The following GCLM variants were observed in gnomAD, a reference collection of about 807,000 sequenced individuals.
GCLM encodes the protein glutamate--cysteine ligase regulatory subunit.
A neutral mutation model predicts 36.0 loss-of-function variants in GCLM; 15 were observed. The observed-to-expected ratio is 0.42, with a 90% CI of 0.28 to 0.64. GCLM has a LOEUF of 0.64. Ranked by LOEUF, GCLM falls within the 30% of genes least tolerant of loss-of-function variation. The probability of loss-of-function intolerance (pLI) is 0.25; values close to 1 mark genes in which losing one functional copy is unlikely to be tolerated. For synonymous variants in GCLM, 129 were observed against 122.8 expected (o/e 1.05, Z -0.34); for missense variants, 242 against 325.5 (o/e 0.74, Z 1.97).
rs542636809 is a variant in GCLM at position 93,904,429 on chromosome 1, A to G, written c.192+94T>C. 1.1e-5 allele frequency: 9 copies of G among 813,932 alleles called. No individual in the cohort carries two copies. In the South Asian group the frequency reaches 1.3e-4, roughly 11 times the overall value. The allele number at this position is 813,932 out of a possible 1,614,324, so 50.4% of individuals were successfully genotyped here. ...ACAGAGAGTTTATGGCTAATTGCCT[A>G]TTTGACTTCCCTCACAAAACTGAAG... On this transcript the variant is annotated intron_variant, in intron 2 of 6. Coordinates refer to ENST00000370238, the MANE Select transcript of GCLM (RefSeq NM_002061.4).
At chr1:93,890,743 G>C (rs1656502469) in intron 6 of GCLM, among the ~76,000 whole-genome samples, 1 of 152,114 alleles carries the variant, frequency 6.6e-6, no homozygotes, top group African/African-American at 2.4e-5. Flanking sequence ...GGAATGAAGG[G>C]CCAAAGTACA....
chr1:93,901,648 A>G lies in GCLM; in HGVS notation c.214T>C (p.Cys72Arg). 6.4e-7 allele frequency: 1 copy of G among 1,554,406 alleles called. No homozygotes were observed. The highest frequency in any genetic ancestry group is 2.2e-5 in the East Asian group (1 of 44,492). Residue 72 changes from cysteine to arginine, a missense_variant, in exon 3 of 7, where the codon TGC becomes CGC. Coordinates refer to ENST00000370238, the MANE Select transcript of GCLM (RefSeq NM_002061.4). Reference sequence around the variant, plus strand: ...TTTTCTACTGCATGAGATACAGTGCATTCCAAGACATCTGGAAACTCCTAT... The same window carrying G: ...TTTTCTACTGCATGAGATACAGTGCGTTCCAAGACATCTGGAAACTCCTAT... ...LVREFPDVLE[C>R]TVSHAVEKIN... is the part of the protein sequence containing the mutation.
At chr1:93,905,173 CAAAAAAAAAA>C (rs921621833) in intron 1 of GCLM, among the ~76,000 whole-genome samples, 8 of 68,334 alleles carry the variant, frequency 1.2e-4, no homozygotes, top group South Asian at 6.0e-4. Flanking sequence ...ACTCTATTTC[CAAAAAAAAAA>C]AAAAAAAAAG....
chr1:93,907,216 C>T (rs1657176798), intron 1 of GCLM, among the ~76,000 whole-genome samples: 1 of 152,166 alleles, frequency 6.6e-6, no homozygotes, highest in African/African-American at 2.4e-5. Context: ...CATAGTTTCC[C>T]TACAGTATGA....
rs1273793164 is a variant in GCLM, at chr1:93,885,932, T to C, written c.*3058A>G. On this transcript the variant is annotated 3_prime_UTR_variant, in exon 7 of 7. Transcript: ENST00000370238. ...GAAAGTCTGAACTATTCATGCAAAA[T>C]AGAATAATTTTTTATTTTCCATTTT... The C allele has an allele frequency of 6.6e-6, 1 of 152,182 alleles. No homozygotes were observed. 9.4% of individuals were successfully genotyped at this position (152,182 alleles called of 1,614,324 possible).
chr1:93,902,463 C>CCA (rs1480765209), intron 2 of GCLM, among the ~76,000 whole-genome samples: 1 of 151,900 alleles, frequency 6.6e-6, no homozygotes, highest in African/African-American at 2.4e-5. Flanking sequence ...CAGGCATGAG[C>CCA]CACCGCGCCC....
At chr1:93,891,343 G>T (rs1656528380) in intron 6 of GCLM, among the ~76,000 whole-genome samples, 1 of 152,120 alleles carries the variant, frequency 6.6e-6, no homozygotes, top group African/African-American at 2.4e-5. Flanking sequence ...CTCTGAATTA[G>T]CTTCTGCCTT....
intron 2 of GCLM, among the ~76,000 whole-genome samples, chr1:93,903,064 G>A (rs969993399): frequency 2.0e-5 from 3 of 151,876 alleles, no homozygotes; most frequent in Non-Finnish European, 4.4e-5. Flanking sequence ...ATATTGTCTG[G>A]ATAGTTTATA....
chr1:93,898,956 A>G (rs937407116), intron 3 of GCLM, among the ~76,000 whole-genome samples: 2 of 152,206 alleles, frequency 1.3e-5, no homozygotes, highest in African/African-American at 4.8e-5. Flanking sequence ...ACGAAGACCT[A>G]TAAAAGCAGA....
chr1:93,899,549 T>C (rs1269501496), intron 3 of GCLM, among the ~76,000 whole-genome samples: 1 of 152,192 alleles, frequency 6.6e-6, no homozygotes, highest in Non-Finnish European at 1.5e-5. Flanking sequence ...AACTTTTTAT[T>C]CAGCATTATA....
intron 1 of GCLM, among the ~76,000 whole-genome samples, chr1:93,905,664 T>A (rs1433689666): frequency 1.3e-5 from 2 of 152,224 alleles, no homozygotes; most frequent in Non-Finnish European, 2.9e-5. Flanking sequence ...ACATACTTTA[T>A]TAAAGTGTAT....
At chr1:93,907,254 G>A (rs1279241764) in intron 1 of GCLM, among the ~76,000 whole-genome samples, 1 of 152,092 alleles carries the variant, frequency 6.6e-6, no homozygotes, top group African/African-American at 2.4e-5. Context: ...TTCCTGAAAT[G>A]TTTTCTAGTT....
Position 93,889,036 on chromosome 1 carries a change from A to G in GCLM, c.779T>C (p.Ile260Thr), listed in dbSNP as rs1656427181. ...YSVIVKSRGI[I>T]KSKGYILQAK... ...TTGTAAAATGTAGCCTTTTGATTTG[A>G]TAATTCCTCTACTTTTCACAATGAC... is the stretch of plus-strand genomic sequence containing the variant. Residue 260 changes from isoleucine (I) to threonine (T), a missense_variant, in exon 7 of 7, where the codon ATC becomes ACC. Ile to Thr is a moderately conservative substitution (Grantham distance 89). Coordinates refer to ENST00000370238, the MANE Select transcript of GCLM (RefSeq NM_002061.4). 6.2e-7 allele frequency: 1 copy of G among 1,601,510 alleles called. No homozygotes were observed. The highest frequency in any genetic ancestry group is 8.5e-7 in the Non-Finnish European group (1 of 1,174,244).
rs1656663666 is a variant in GCLM, at chr1:93,894,697, G to A, written c.572C>T (p.Ala191Val). The change falls in exon 6 of 7, where the codon GCC (alanine) becomes GTC (valine). Residue 191 changes from alanine to valine, a missense_variant. Ala to Val is a moderately conservative substitution (Grantham distance 64). Coordinates refer to ENST00000370238, the MANE Select transcript of GCLM (RefSeq NM_002061.4). ...ATCTGGTGGCATCACACAGCAGGAG[G>A]CAAGATTAACTTGGTTACTATTTGG... ...VKPNSNQVNL[A>V]SCCVMPPDLT... 2 of 1,608,548 alleles carry A rather than the reference G, an allele frequency of 1.2e-6. No homozygotes were observed. Among genetic ancestry groups the A allele is most frequent in the Non-Finnish European group, 8.5e-7 (1 of 1,175,328 alleles).
intron 2 of GCLM, among the ~76,000 whole-genome samples, chr1:93,902,063 C>T (rs1005219730): frequency 6.6e-6 from 1 of 152,134 alleles, no homozygotes; most frequent in Admixed American, 6.5e-5. Context: ...ATAATAAACA[C>T]GTTCTACATT....
intron 1 of GCLM, chr1:93,908,568 T>C (rs183871736): frequency 2.0e-5 from 3 of 152,502 alleles, no homozygotes; most frequent in Middle Eastern, 3.4e-3. Flanking sequence ...CTCACTGCAA[T>C]AGAGAGTCTA....
chr1:93,892,665 ATC>A (rs1374987790), intron 6 of GCLM, among the ~76,000 whole-genome samples: 1 of 152,190 alleles, frequency 6.6e-6, no homozygotes, highest in Non-Finnish European at 1.5e-5. Context: ...AAAGGATTAA[ATC>A]TCTCTCCTCA....
In GCLM at chr1:93,888,896, A is replaced by T. The variant is rs1656420501; in HGVS notation, c.*94T>A. 1.3e-6 allele frequency: 1 copy of T among 791,722 alleles called. No individual in the cohort carries two copies. The highest frequency in any genetic ancestry group is 2.9e-5 in the Admixed American group (1 of 34,978). 49.0% of individuals were successfully genotyped at this position (791,722 alleles called of 1,614,324 possible). A position where few individuals can be genotyped will look rare whatever the true frequency, so the allele number is the denominator to read the frequency against. ...ATATGACGAAAGAATATCTGCCTCA[A>T]TGACACCATTTACAGGCAGTAACTA... On this transcript the variant is annotated 3_prime_UTR_variant, in exon 7 of 7. Coordinates refer to ENST00000370238, the MANE Select transcript of GCLM (RefSeq NM_002061.4).
At chr1:93,906,695 C>T (rs962451754) in intron 1 of GCLM, among the ~76,000 whole-genome samples, 4 of 152,026 alleles carry the variant, frequency 2.6e-5, no homozygotes, top group African/African-American at 7.2e-5. Context: ...AAACATTAAC[C>T]TTGTACTTGG....
Sources: gnomAD v4.1 joint callset for allele counts (sites outside exome capture counted in the v4.1 genomes callset) on GRCh38, gnomAD v4.1.1 for gene constraint, MANE v1.5 for transcripts, NCBI Gene and HGNC (gene_info 2026-07-23, HGNC 2026-07-21) for gene names.